Variants in PEAK1 observed in about 807,000 individuals in gnomAD.
PEAK1 encodes the protein inactive tyrosine-protein kinase PEAK1.
In PEAK1, 54 loss-of-function variants were observed where a neutral mutation model predicts 124.7. That is an observed-to-expected ratio of 0.43 (90% confidence interval 0.35 to 0.54). PEAK1 has a LOEUF of 0.54. Among genes scored for constraint, PEAK1 ranks in the 20% least tolerant of loss-of-function variants. The pLI is 0.01. For missense variants in PEAK1, 2,046 were observed against 2,134.5 expected (o/e 0.96, Z 0.82); for synonymous variants, 719 against 760.0 (o/e 0.95, Z 0.89).
At chr15:77,232,363 TTTA>T (rs1242294735) in intron 6 of PEAK1, among the ~76,000 whole-genome samples, 1 of 152,098 alleles carries the variant, frequency 6.6e-6, no homozygotes, top group Non-Finnish European at 1.5e-5. Context: ...TCACTTAAAA[TTTA>T]TTATCACAAA....
intron 6 of PEAK1, among the ~76,000 whole-genome samples, chr15:77,193,328 T>C (rs1484664298): frequency 6.6e-6 from 1 of 152,158 alleles, no homozygotes; most frequent in Non-Finnish European, 1.5e-5. Context: ...TTTAATTTGA[T>C]CAGCTTAAAT....
At chr15:77,338,572 A>G (rs1231711904) in intron 2 of PEAK1, among the ~76,000 whole-genome samples, 4 of 151,818 alleles carry the variant, frequency 2.6e-5, no homozygotes, top group African/African-American at 4.8e-5. Context: ...GGAACAGCAT[A>G]TTAACAATCT....
intron 7 of PEAK1, among the ~76,000 whole-genome samples, chr15:77,158,917 C>A (rs1301992744): frequency 6.6e-6 from 1 of 152,090 alleles, no homozygotes; most frequent in Non-Finnish European, 1.5e-5. Context: ...TGGTAGCCTG[C>A]AAGGGAACTT....
intron 1 of PEAK1, among the ~76,000 whole-genome samples, chr15:77,392,099 A>C (rs1374185411): frequency 1.3e-5 from 2 of 152,228 alleles, no homozygotes; most frequent in Non-Finnish European, 2.9e-5. Context: ...GAGATACAGG[A>C]AGGCCAGACT....
At chr15:77,193,939 A>T (rs544785046) in intron 6 of PEAK1, among the ~76,000 whole-genome samples, 2 of 152,332 alleles carry the variant, frequency 1.3e-5, no homozygotes, top group Admixed American at 1.3e-4. Context: ...AGAGTTTGCC[A>T]TATAACATAT....
intron 2 of PEAK1, among the ~76,000 whole-genome samples, chr15:77,311,207 C>T (rs1486423200): frequency 6.6e-6 from 1 of 152,136 alleles, no homozygotes; most frequent in Non-Finnish European, 1.5e-5. Flanking sequence ...TGATAACTGC[C>T]AGAGTTATTA....
At chr15:77,294,074 C>T (rs1240239415) in intron 2 of PEAK1, among the ~76,000 whole-genome samples, 1 of 152,168 alleles carries the variant, frequency 6.6e-6, no homozygotes, top group Non-Finnish European at 1.5e-5. Flanking sequence ...ACCCCCAAAA[C>T]AGGAGAAACA....
chr15:77,126,243 T>TC (rs1447877960), intron 9 of PEAK1, among the ~76,000 whole-genome samples: 1 of 152,210 alleles, frequency 6.6e-6, no homozygotes, highest in Non-Finnish European at 1.5e-5. Context: ...TTAAAAAATG[T>TC]TTTTCATAAT....
chr15:77,301,327 A>G (rs2152991355), intron 2 of PEAK1, among the ~76,000 whole-genome samples: 1 of 152,264 alleles, frequency 6.6e-6, no homozygotes, highest in East Asian at 1.9e-4. Flanking sequence ...GACACCCCTC[A>G]TTGGATTTAG....
intron 1 of PEAK1, among the ~76,000 whole-genome samples, chr15:77,399,299 T>C (rs1015515135): frequency 6.6e-6 from 1 of 152,032 alleles, no homozygotes; most frequent in African/African-American, 2.4e-5. Context: ...ACATTCTTCA[T>C]AGAAATAGAA....
At chr15:77,268,705 C>T (rs1220091629) in intron 5 of PEAK1, among the ~76,000 whole-genome samples, 1 of 152,034 alleles carries the variant, frequency 6.6e-6, no homozygotes. Context: ...CACCTAGGCA[C>T]ATAGTCATCA....
chr15:77,350,191 C>G (rs957905346), intron 2 of PEAK1: 1 of 985,446 alleles, frequency 1.0e-6, no homozygotes, highest in African/African-American at 1.7e-5. Context: ...TAACTGGCAA[C>G]ACTGTTGTTG....
At chr15:77,250,014 C>T (rs1596873136) in intron 6 of PEAK1, among the ~76,000 whole-genome samples, 2 of 151,274 alleles carry the variant, frequency 1.3e-5, no homozygotes, top group Admixed American at 1.3e-4. Context: ...AAAGAATTTA[C>T]TGGATATTTT....
chr15:77,346,952 G>A (rs1487924949), intron 2 of PEAK1, among the ~76,000 whole-genome samples: 1 of 152,214 alleles, frequency 6.6e-6, no homozygotes, highest in Admixed American at 6.5e-5. Context: ...ATGTAATAAA[G>A]TGAGTTGAGA....
rs1205122173 is a variant in PEAK1, at chr15:77,303,922, G to C, written c.-602-17418C>G. 3.3e-5 allele frequency among the ~76,000 whole-genome samples: 5 copies of C among 152,158 alleles called. No homozygotes were observed. In the East Asian group the frequency reaches 9.6e-4, roughly 29 times the overall value. Reference sequence around the variant, plus strand: ...ATTATAAGGTCTGTGTCTAGGTTCAGTTTTGGATATGGACATCCAATTGTT... The same window carrying C: ...ATTATAAGGTCTGTGTCTAGGTTCACTTTTGGATATGGACATCCAATTGTT... On this transcript the variant is annotated intron_variant, in intron 2 of 9. Coordinates refer to ENST00000682557, the MANE Select transcript of PEAK1 (RefSeq NM_001385026.1).
Position 77,113,806 on chromosome 15 carries a change from G to A in PEAK1, c.*350C>T, listed in dbSNP as rs961850934. ...AAGATAGGTGATATCCAGAATTATG[G>A]AGGAAATGGACACAGCTCACTGGCT... On this transcript the variant is annotated 3_prime_UTR_variant, in exon 10 of 10. Coordinates refer to ENST00000682557, the MANE Select transcript of PEAK1 (RefSeq NM_001385026.1). 1 of 261,876 alleles carries A rather than the reference G, an allele frequency of 3.8e-6. No individual in the cohort carries two copies. Among genetic ancestry groups the A allele is most frequent in the East Asian group, 8.4e-5 (1 of 11,874 alleles). 16.2% of individuals were successfully genotyped at this position (261,876 alleles called of 1,614,324 possible). A position where few individuals can be genotyped will look rare whatever the true frequency, so the allele number is the denominator to read the frequency against.
At chr15:77,261,839 A>T (rs2061458503) in intron 5 of PEAK1, among the ~76,000 whole-genome samples, 1 of 152,182 alleles carries the variant, frequency 6.6e-6, no homozygotes, top group Non-Finnish European at 1.5e-5. Context: ...GAAGGAAAAA[A>T]TGTTAAGGGC....
At chr15:77,408,842 G>A (rs532060880) in intron 1 of PEAK1, among the ~76,000 whole-genome samples, 1 of 152,114 alleles carries the variant, frequency 6.6e-6, no homozygotes, top group Non-Finnish European at 1.5e-5. Flanking sequence ...AGGCTGAGGC[G>A]GGAGGATCAC....
intron 5 of PEAK1, among the ~76,000 whole-genome samples, chr15:77,269,957 C>T (rs1205175705): frequency 1.3e-5 from 2 of 152,156 alleles, no homozygotes; most frequent in African/African-American, 4.8e-5. Context: ...GCAGGCTGTT[C>T]AGTTTCCATG....
Sources: gnomAD v4.1 joint callset for allele counts (sites outside exome capture counted in the v4.1 genomes callset) on GRCh38, gnomAD v4.1.1 for gene constraint, MANE v1.5 for transcripts, NCBI Gene and HGNC (gene_info 2026-07-23, HGNC 2026-07-21) for gene names.